The following ANKRD36C variants were observed in gnomAD, a reference collection of about 807,000 sequenced individuals.
ANKRD36C encodes the protein ankyrin repeat domain-containing protein 36C.
Under a neutral mutation model 276.4 loss-of-function variants are expected in ANKRD36C, and 61 were observed. The observed-to-expected ratio is 0.22, with a 90% CI of 0.18 to 0.27. The LOEUF (loss-of-function observed/expected upper bound fraction) is 0.27, where lower values mean the gene tolerates loss of function less well. Ranked by LOEUF, ANKRD36C falls within the 10% of genes least tolerant of loss-of-function variation. The pLI is 1.00. For missense variants in ANKRD36C, 1,447 were observed against 2,032.3 expected, an observed-to-expected ratio of 0.71 and a Z score of 5.54; for synonymous variants, 483 against 680.1, an observed-to-expected ratio of 0.71 and a Z score of 4.51.
chr2:95,982,219 G>A, intron 4 of ANKRD36C, 37 bp downstream of exon 4: 2 of 1,444,880 alleles, frequency 1.4e-6, no homozygotes, highest in Middle Eastern at 1.8e-4. Flanking sequence ...ATGACACTCA[G>A]GTTTAAAAAC....
chr2:95,926,079 T>C lies in ANKRD36C; in HGVS notation c.1940-532A>G, dbSNP rs528974065. On this transcript the variant is annotated intron_variant, in intron 28 of 66. Transcript: ENST00000456556. Reference sequence around the variant, plus strand: ...GTGGAAGTGGCCCAGCTTCAACAGCTTGGATATAGGTTGGGATAATCCTGT... The same window carrying C: ...GTGGAAGTGGCCCAGCTTCAACAGCCTGGATATAGGTTGGGATAATCCTGT... Among the ~76,000 whole-genome samples the C allele has an allele frequency of 5.3e-5, 8 of 151,726 alleles. No individual in the cohort carries two copies. The South Asian group carries it at 1.5e-3, about 28-fold the overall frequency.
intron 6 of ANKRD36C, among the ~76,000 whole-genome samples, chr2:95,967,267 A>G (rs1678611002): frequency 6.6e-6 from 1 of 152,222 alleles, no homozygotes; most frequent in South Asian, 2.1e-4. Context: ...CCTAATATCT[A>G]GAATCTACAA....
At chr2:95,919,189 C>T (rs1573767023) in intron 34 of ANKRD36C, among the ~76,000 whole-genome samples, 1 of 134,216 alleles carries the variant, frequency 7.5e-6, no homozygotes, top group Non-Finnish European at 1.7e-5. Flanking sequence ...GAAGTGAGTT[C>T]ACTCAGATTT....
At chr2:95,916,155 T>C in exon 37 of ANKRD36C, 5 of 1,605,080 alleles carry the variant, frequency 3.1e-6, no homozygotes, top group Non-Finnish European at 4.2e-6. Context: ...TCAAGGCTGG[T>C]TTTTTCCGAG....
At chr2:95,981,407 A>G (rs914443230) in intron 4 of ANKRD36C, among the ~76,000 whole-genome samples, 9 of 147,946 alleles carry the variant, frequency 6.1e-5, no homozygotes, top group Admixed American at 6.8e-5. Flanking sequence ...TATATTATAT[A>G]TTATCTATAA....
exon 3 of ANKRD36C, chr2:95,986,874 G>A (rs1679038841): frequency 1.2e-6 from 2 of 1,611,928 alleles, no homozygotes; most frequent in East Asian, 2.2e-5. Context: ...TTGGATCGGC[G>A]CCATTTTGCA....
intron 42 of ANKRD36C, among the ~76,000 whole-genome samples, chr2:95,910,868 T>A (rs970650249): frequency 6.6e-6 from 1 of 151,422 alleles, no homozygotes; most frequent in Non-Finnish European, 1.5e-5. Context: ...ACAAATGTGA[T>A]CTAAAATCAG....
intron 34 of ANKRD36C, among the ~76,000 whole-genome samples, chr2:95,920,721 G>A (rs1449179740): frequency 1.4e-5 from 2 of 140,478 alleles, no homozygotes; most frequent in East Asian, 4.7e-4. Context: ...CATTGAAAAT[G>A]ACCATTTTAG....
chr2:95,856,841 T>C (rs1196421363), intron 62 of ANKRD36C, among the ~76,000 whole-genome samples: 1 of 152,146 alleles, frequency 6.6e-6, no homozygotes, highest in African/African-American at 2.4e-5. Flanking sequence ...TTCCTAGTGC[T>C]CTTCCATCAA....
chr2:95,895,665 G>A (rs1316052702), intron 44 of ANKRD36C, 75 bp from the exon 61 acceptor site: 3 of 1,563,152 alleles, frequency 1.9e-6, no homozygotes, highest in Non-Finnish European at 2.6e-6. Context: ...CACAGTGTTA[G>A]CATCAACCTC....
intron 6 of ANKRD36C, among the ~76,000 whole-genome samples, chr2:95,967,436 A>G (rs866399692): frequency 6.6e-6 from 1 of 152,364 alleles, no homozygotes; most frequent in Middle Eastern, 3.4e-3. Context: ...AACCACAATA[A>G]GATACCATCT....
At chr2:95,875,610 G>C (rs1675931798) in intron 59 of ANKRD36C, among the ~76,000 whole-genome samples, 1 of 151,958 alleles carries the variant, frequency 6.6e-6, no homozygotes, top group Non-Finnish European at 1.5e-5. Context: ...CAGCGCACCA[G>C]CATGGCACGT....
At chr2:95,991,634 T>C (rs778397394) in exon 1 of ANKRD36C, 7 of 1,614,040 alleles carry the variant, frequency 4.3e-6, no homozygotes, top group South Asian at 1.1e-5. Context: ...TAATGGGGTA[T>C]TGGGGAAATA....
intron 59 of ANKRD36C, among the ~76,000 whole-genome samples, chr2:95,873,854 A>G (rs577140615): frequency 2.0e-5 from 3 of 152,374 alleles, no homozygotes; most frequent in African/African-American, 7.2e-5. Flanking sequence ...ATCAATGTAC[A>G]AAAATCATAA....
downstream of ANKRD36C, among the ~76,000 whole-genome samples, chr2:95,850,921 A>G (rs1298911349): frequency 6.6e-6 from 1 of 152,202 alleles, no homozygotes; most frequent in Non-Finnish European, 1.5e-5. Flanking sequence ...AGGGCCAGAA[A>G]AAAAGGGATA....
intron 24 of ANKRD36C, among the ~76,000 whole-genome samples, chr2:95,931,168 G>A (rs79846884): frequency 6.6e-6 from 1 of 151,644 alleles, no homozygotes. Context: ...TCTGACACAT[G>A]TGAAGATAAG....
At chr2:95,928,979 A>C in intron 26 of ANKRD36C, 93 bp downstream of exon 26, 2 of 1,567,120 alleles carry the variant, frequency 1.3e-6, no homozygotes, top group East Asian at 2.3e-5. Context: ...CAGAACATGC[A>C]GCTTAGACGA....
At chr2:95,916,096 T>C (rs765891577) in intron 37 of ANKRD36C, 44 bp from the exon 40 acceptor site, 71 of 1,604,104 alleles carry the variant, frequency 4.4e-5, no homozygotes, top group Admixed American at 6.7e-5. Context: ...GTATGTTTCA[T>C]AGGCTATACG....
At chr2:95,854,434 G>A (rs1386855548) in intron 63 of ANKRD36C, among the ~76,000 whole-genome samples, 3 of 151,980 alleles carry the variant, frequency 2.0e-5, no homozygotes, top group Admixed American at 6.6e-5. Flanking sequence ...CTCCTCGTTA[G>A]TCTGAAATCC....
Sources: gnomAD v4.1 joint callset for allele counts (sites outside exome capture counted in the v4.1 genomes callset) on GRCh38, gnomAD v4.1.1 for gene constraint, MANE v1.5 for transcripts, NCBI Gene and HGNC (gene_info 2026-07-23, HGNC 2026-07-21) for gene names.